The following PCTP variants were observed in gnomAD, a reference collection of about 807,000 sequenced individuals.
PCTP encodes the protein START domain-containing protein 2.
PCTP carries 27 observed loss-of-function variants against 31.0 expected under a neutral mutation model. The ratio of observed to expected loss-of-function variants is 0.87; its 90% CI spans 0.64 to 1.20. The LOEUF is 1.20. Among genes scored for constraint, PCTP ranks in the 50% most tolerant of loss-of-function variants. The probability of loss-of-function intolerance (pLI) is 0.00; values close to 1 mark genes in which losing one functional copy is unlikely to be tolerated. For missense variants in PCTP, 287 were observed against 268.2 expected (o/e 1.07, Z -0.49); for synonymous variants, 108 against 101.2 (o/e 1.07, Z -0.40).
chr17:55,817,221 C>G (rs1007900437), intron 3 of PCTP, among the ~76,000 whole-genome samples: 1 of 152,192 alleles, frequency 6.6e-6, no homozygotes, highest in East Asian at 1.9e-4. Context: ...GGGAAATTGG[C>G]AAGGATTAAA....
chr17:55,776,328 C>T lies in PCTP; in HGVS notation c.*228C>T, dbSNP rs1261738876. 38 of 1,355,858 alleles carry T rather than the reference C, an allele frequency of 2.8e-5. No individual in the cohort carries two copies. Among genetic ancestry groups the T allele is most frequent in the African/African-American group, 4.4e-5 (3 of 67,736 alleles). The allele number at this position is 1,355,858 out of a possible 1,614,324, so 84.0% of individuals were successfully genotyped here. ...CAGCTCACTCGTCTGCTTCCTTTCT[C>T]GCTCCCCCCATCCTGGGCTGGGCTG... On this transcript the variant is annotated 3_prime_UTR_variant, in exon 6 of 6. Transcript: ENST00000268896.
chr17:55,790,509 AACAG>A lies in PCTP; in HGVS notation c.317+2859_317+2862del, dbSNP rs1911921558. ...ATCACAAGCATTCTTATACACCAAC[AACAG>A]ACAAACAGAGAGCCAAATCATGAGT... On this transcript the variant is annotated intron_variant, in intron 3 of 3. Transcript: ENST00000572536. 2.7e-5 allele frequency among the ~76,000 whole-genome samples: 4 copies of A among 146,048 alleles called. No homozygotes were observed. In the South Asian group the frequency reaches 9.0e-4, roughly 33 times the overall value.
chr17:55,832,810 G>A (rs544053680), intron 5 of PCTP, among the ~76,000 whole-genome samples: 17 of 152,286 alleles, frequency 1.1e-4, no homozygotes, highest in African/African-American at 3.6e-4. Context: ...GCTAGGCCCT[G>A]GACATTGGAG....
intron 3 of PCTP, among the ~76,000 whole-genome samples, chr17:55,806,442 CTG>C (rs1380990726): frequency 6.6e-6 from 1 of 152,048 alleles, no homozygotes; most frequent in Non-Finnish European, 1.5e-5. Flanking sequence ...CAAAACAAGA[CTG>C]TGTGTTGGGG....
At chr17:55,762,092 T>C (rs867264600) in intron 1 of PCTP, among the ~76,000 whole-genome samples, 1 of 152,048 alleles carries the variant, frequency 6.6e-6, no homozygotes, top group East Asian at 1.9e-4. Flanking sequence ...AAGAACCATA[T>C]GCGGGGATGT....
intron 1 of PCTP, among the ~76,000 whole-genome samples, chr17:55,759,529 C>A (rs1479465974): frequency 1.3e-5 from 2 of 152,224 alleles, no homozygotes; most frequent in Admixed American, 6.5e-5. Context: ...TTCATACCAT[C>A]TGAGTCTATT....
chr17:55,791,172 G>T (rs1379803523), intron 3 of PCTP, among the ~76,000 whole-genome samples: 21 of 151,692 alleles, frequency 1.4e-4, no homozygotes, highest in African/African-American at 4.8e-4. Flanking sequence ...GATTAAAGAC[G>T]TAAACGTTAG....
chr17:55,769,242 T>C (rs1228268656), intron 2 of PCTP: 1 of 152,270 alleles, frequency 6.6e-6, no homozygotes. Flanking sequence ...GGATTGGCTC[T>C]TGTCAGCTCA....
chr17:55,822,201 A>G (rs927296406), intron 3 of PCTP, among the ~76,000 whole-genome samples: 2 of 152,178 alleles, frequency 1.3e-5, no homozygotes, highest in African/African-American at 2.4e-5. Flanking sequence ...CTCACCAAGG[A>G]ACATTTGGAT....
At chr17:55,758,846 T>C (rs757060074) in intron 1 of PCTP, among the ~76,000 whole-genome samples, 4 of 152,128 alleles carry the variant, frequency 2.6e-5, no homozygotes, top group African/African-American at 4.8e-5. Flanking sequence ...AGGTTCAGAT[T>C]TGGTGGAAGG....
intron 3 of PCTP, among the ~76,000 whole-genome samples, chr17:55,798,788 A>C (rs1912271817): frequency 6.6e-6 from 1 of 152,004 alleles, no homozygotes; most frequent in Non-Finnish European, 1.5e-5. Flanking sequence ...AAATGCAGAA[A>C]ATAATGAAGA....
At chr17:55,827,126 G>T (rs546014172), downstream of PCTP, among the ~76,000 whole-genome samples, 1 of 151,988 alleles carries the variant, frequency 6.6e-6, no homozygotes, top group Non-Finnish European at 1.5e-5. Flanking sequence ...TCTCACTAGG[G>T]AGGCAAAGTC....
intron 1 of PCTP, among the ~76,000 whole-genome samples, chr17:55,758,031 A>G (rs1203411192): frequency 6.6e-6 from 1 of 152,198 alleles, no homozygotes; most frequent in African/African-American, 2.4e-5. Context: ...AAGCTCTTCC[A>G]GTGATCTGCA....
intron 3 of PCTP, among the ~76,000 whole-genome samples, chr17:55,806,812 A>T (rs1041039118): frequency 1.3e-5 from 2 of 152,160 alleles, no homozygotes; most frequent in African/African-American, 4.8e-5. Context: ...CATTTCATAT[A>T]TATTACAGAA....
rs112454522 is a variant in PCTP at position 55,767,381 on chromosome 17, G to A, written c.188G>A (p.Cys63Tyr). Reference sequence around the variant, plus strand: ...AAAGTCTTTGGTGTTCTGGAGGACTGCTCACCAACTCTACTGGCAGACATC... The same window carrying A: ...AAAGTCTTTGGTGTTCTGGAGGACTACTCACCAACTCTACTGGCAGACATC... ...EYKVFGVLED[C>Y]SPTLLADIYM... The change falls in exon 2 of 6, where the codon TGC becomes TAC. Residue 63 changes from cysteine (C) to tyrosine (Y), a missense_variant. Coordinates refer to ENST00000268896, the MANE Select transcript of PCTP (RefSeq NM_021213.4). 10,975 of 1,613,144 alleles carry A rather than the reference G, an allele frequency of 6.8e-3. 35 individuals carry two copies. Among genetic ancestry groups the A allele is most frequent in the Non-Finnish European group, 8.5e-3 (10,043 of 1,179,202 alleles).
chr17:55,769,628 T>C (rs538877031), intron 2 of PCTP: 17 of 152,362 alleles, frequency 1.1e-4, no homozygotes, highest in African/African-American at 4.1e-4. Context: ...AGTTAGGCTT[T>C]GCTGGAACAA....
At chr17:55,818,246 A>G (rs2145058286) in intron 3 of PCTP, among the ~76,000 whole-genome samples, 2 of 151,838 alleles carry the variant, frequency 1.3e-5, no homozygotes, top group Middle Eastern at 6.8e-3. Flanking sequence ...GTGGGTAGGC[A>G]TGTATTTTTT....
Position 55,776,584 on chromosome 17 carries a change from A to G in PCTP, c.*484A>G. On this transcript the variant is annotated 3_prime_UTR_variant, in exon 6 of 6. Transcript: ENST00000268896. ...GGCTGCTGGAAGTGGCATTTCGTTC[A>G]GAGCTGACTTTCAGTGCACCCAAAC... The G allele has an allele frequency of 8.1e-7, 1 of 1,231,492 alleles. No individual in the cohort carries two copies. Among genetic ancestry groups the G allele is most frequent in the Non-Finnish European group, 1.0e-6 (1 of 988,252 alleles). The allele number at this position is 1,231,492 out of a possible 1,614,324, so 76.3% of individuals were successfully genotyped here.
chr17:55,793,112 A>G (rs1912062861), intron 3 of PCTP, among the ~76,000 whole-genome samples: 1 of 152,084 alleles, frequency 6.6e-6, no homozygotes, highest in South Asian at 2.1e-4. Context: ...GAGTAGATTC[A>G]CATATCCTGG....
Sources: gnomAD v4.1 joint callset for allele counts (sites outside exome capture counted in the v4.1 genomes callset) on GRCh38, gnomAD v4.1.1 for gene constraint, MANE v1.5 for transcripts, NCBI Gene and HGNC (gene_info 2026-07-23, HGNC 2026-07-21) for gene names.